Variants in WASL observed in about 807,000 individuals in gnomAD.
WASL encodes the protein actin nucleation-promoting factor WASL.
WASL carries 20 observed loss-of-function variants against 55.5 expected under a neutral mutation model. The observed-to-expected ratio is 0.36, with a 90% CI of 0.25 to 0.52. WASL has a LOEUF of 0.52. WASL is among the 20% of genes least tolerant of loss of function. WASL has a pLI of 0.92. For synonymous variants in WASL, 249 were observed against 217.6 expected (o/e 1.14, Z -1.27); for missense variants, 504 against 622.5 (o/e 0.81, Z 2.03).
At chr7:123,710,096 G>T (rs1191417390) in intron 1 of WASL, among the ~76,000 whole-genome samples, 3 of 151,968 alleles carry the variant, frequency 2.0e-5, no homozygotes, top group Non-Finnish European at 4.4e-5. Context: ...TCTAAATTAA[G>T]TTTACTTTAT....
chr7:123,714,659 A>G (rs542053250), intron 1 of WASL, among the ~76,000 whole-genome samples: 1 of 152,332 alleles, frequency 6.6e-6, no homozygotes, highest in African/African-American at 2.4e-5. Context: ...AGGGACTGGG[A>G]TAACTGGGGG....
chr7:123,702,813 G>C (rs1473783819), intron 5 of WASL, among the ~76,000 whole-genome samples: 1 of 152,138 alleles, frequency 6.6e-6, no homozygotes, highest in Non-Finnish European at 1.5e-5. Context: ...GAGTATCAAC[G>C]AAGTTTTGTA....
intron 1 of WASL, among the ~76,000 whole-genome samples, chr7:123,726,227 G>A (rs1804037214): frequency 6.6e-6 from 1 of 152,050 alleles, no homozygotes; most frequent in African/African-American, 2.4e-5. Flanking sequence ...TATTAAAAAG[G>A]GTTCCAAGTC....
chr7:123,694,894 A>C, intron 7 of WASL, 26 bp from the exon 8 acceptor site: 1 of 1,581,202 alleles, frequency 6.3e-7, no homozygotes, highest in Non-Finnish European at 8.6e-7. Context: ...ACTGCTAACT[A>C]TAAAAATATA....
chr7:123,719,980 AT>A (rs1803912935), intron 1 of WASL, among the ~76,000 whole-genome samples: 6 of 152,154 alleles, frequency 3.9e-5, no homozygotes, highest in African/African-American at 1.4e-4. Context: ...TTACTGTATT[AT>A]AATCTGTTCA....
At chr7:123,744,006 T>C (rs1804390168) in intron 1 of WASL, among the ~76,000 whole-genome samples, 1 of 152,216 alleles carries the variant, frequency 6.6e-6, no homozygotes, top group African/African-American at 2.4e-5. Context: ...ATCCAGTGAA[T>C]TTTAACTTTT....
intron 8 of WASL, among the ~76,000 whole-genome samples, chr7:123,693,836 C>T (rs1803451584): frequency 6.6e-6 from 1 of 152,124 alleles, no homozygotes; most frequent in Non-Finnish European, 1.5e-5. Context: ...TGTAGTGGTG[C>T]ATGCCTGTAA....
chr7:123,743,283 G>A (rs1804376952), intron 1 of WASL, among the ~76,000 whole-genome samples: 1 of 149,270 alleles, frequency 6.7e-6, no homozygotes, highest in African/African-American at 2.5e-5. Flanking sequence ...GTTGCAGTGA[G>A]CCGAGATCGT....
intron 1 of WASL, chr7:123,720,172 G>A (rs767930362): frequency 2.7e-6 from 1 of 368,652 alleles, no homozygotes; most frequent in Non-Finnish European, 5.2e-6. Flanking sequence ...CAGGGTAAAG[G>A]GGTAACACAC....
At chr7:123,706,658 A>G (rs1803676411) in intron 3 of WASL, 82 bp downstream of exon 3, 16 of 1,074,286 alleles carry the variant, frequency 1.5e-5, no homozygotes, top group African/African-American at 8.1e-5. Context: ...TGATCTTTCA[A>G]TAAGGTTCTA....
chr7:123,703,395 G>T (rs1803620923), intron 5 of WASL, among the ~76,000 whole-genome samples: 2 of 152,138 alleles, frequency 1.3e-5, no homozygotes, highest in Non-Finnish European at 2.9e-5. Flanking sequence ...GGTAGTAAAA[G>T]ATCATTAACT....
intron 1 of WASL, among the ~76,000 whole-genome samples, chr7:123,747,065 G>A (rs911767498): frequency 5.3e-5 from 8 of 152,090 alleles, no homozygotes; most frequent in African/African-American, 1.4e-4. Flanking sequence ...TGGTGAAAAA[G>A]GCAAAGTGGT....
In WASL at chr7:123,684,333, AGAG is replaced by A. The variant is rs150676186; in HGVS notation, c.*183_*185del. 1.7e-3 allele frequency: 410 copies of A among 247,868 alleles called. 2 individuals carry two copies. The highest frequency in any genetic ancestry group is 8.3e-3 in the African/African-American group (368 of 44,384). 15.4% of individuals were successfully genotyped at this position (247,868 alleles called of 1,614,324 possible). A position where few individuals can be genotyped will look rare whatever the true frequency, so the allele number is the denominator to read the frequency against. ...ACACAATAACAGGGAGTAGCTTTGT[AGAG>A]GATTACGACAAACCTTTACAGATTA... On this transcript the variant is annotated 3_prime_UTR_variant, in exon 11 of 11. Coordinates refer to ENST00000223023, the MANE Select transcript of WASL (RefSeq NM_003941.4).
Position 123,748,955 on chromosome 7 carries a change from C to G in WASL, c.-221G>C. 1.8e-6 allele frequency: 1 copy of G among 567,658 alleles called. No individual in the cohort carries two copies. The highest frequency in any genetic ancestry group is 3.2e-5 in the East Asian group (1 of 31,230). The allele number at this position is 567,658 out of a possible 1,614,324, so 35.2% of individuals were successfully genotyped here. On this transcript the variant is annotated 5_prime_UTR_variant, in exon 1 of 11. Coordinates refer to ENST00000223023, the MANE Select transcript of WASL (RefSeq NM_003941.4). ...GAAAGGGAAGCTCCCGGCACCCGCC[C>G]GGCCAGGCTAGGGCCGGATGGTCGT...
intron 1 of WASL, among the ~76,000 whole-genome samples, chr7:123,743,655 T>C (rs1804384589): frequency 6.6e-6 from 1 of 152,168 alleles, no homozygotes. Context: ...GAGCACTGAA[T>C]AGTATTCATA....
intron 1 of WASL, among the ~76,000 whole-genome samples, chr7:123,728,623 C>T (rs914129261): frequency 1.8e-4 from 27 of 152,076 alleles, no homozygotes; most frequent in African/African-American, 6.0e-4. Flanking sequence ...AGGCAGATCA[C>T]GAGGTCAGGA....
intron 1 of WASL, among the ~76,000 whole-genome samples, chr7:123,720,042 T>A (rs1467535857): frequency 3.9e-5 from 6 of 152,198 alleles, no homozygotes; most frequent in African/African-American, 1.4e-4. Context: ...GGCCCTGTCT[T>A]ATTTCTATAC....
intron 1 of WASL, among the ~76,000 whole-genome samples, chr7:123,740,938 C>T (rs1804331067): frequency 6.6e-6 from 1 of 152,194 alleles, no homozygotes; most frequent in African/African-American, 2.4e-5. Context: ...GGGTCACTGT[C>T]TGTGTGGAGT....
At chr7:123,684,629 T>A in intron 10 of WASL, 49 bp from the exon 11 acceptor site, 1 of 1,479,250 alleles carries the variant, frequency 6.8e-7, no homozygotes, top group Non-Finnish European at 9.0e-7. Flanking sequence ...TAAAATGACA[T>A]TACATAATTC....
Sources: gnomAD v4.1 joint callset for allele counts (sites outside exome capture counted in the v4.1 genomes callset) on GRCh38, gnomAD v4.1.1 for gene constraint, MANE v1.5 for transcripts, NCBI Gene and HGNC (gene_info 2026-07-23, HGNC 2026-07-21) for gene names.